Variants in DST observed in about 807,000 individuals in gnomAD.
DST encodes dystonin, also known as bullous pemphigoid antigen.
In DST, 253 loss-of-function variants were observed where a neutral mutation model predicts 875.2. The ratio of observed to expected loss-of-function variants is 0.29; its 90% CI spans 0.26 to 0.32. The LOEUF is 0.32. Among genes scored for constraint, DST ranks in the 10% least tolerant of loss-of-function variants. DST has a pLI of 1.00. For synonymous variants in DST, 3,124 were observed against 3,197.1 expected, an observed-to-expected ratio of 0.98 and a Z score of 0.77; for missense variants, 8,287 against 9,111.6, an observed-to-expected ratio of 0.91 and a Z score of 3.68.
At chr6:56,464,573 G>A (rs530088236) in intron 100 of DST, 112 bp downstream of exon 100, 7 of 773,128 alleles carry the variant, frequency 9.1e-6, no homozygotes, top group Non-Finnish European at 1.3e-5. Flanking sequence ...TATGAGTTAA[G>A]CCATACGCGA....
In DST at chr6:56,529,734, T is replaced by C. The variant is rs1230800445; in HGVS notation, c.17309A>G (p.His5770Arg). 1.2e-6 allele frequency: 2 copies of C among 1,607,330 alleles called. No homozygotes were observed. Among genetic ancestry groups the C allele is most frequent in the East Asian group, 4.5e-5 (2 of 44,820 alleles). Reference sequence around the variant, plus strand: ...GGACTGGCCAATGCTAACAGCCTGGTGTAAATGTTTATTGTGATTGATGAT... The same window carrying C: ...GGACTGGCCAATGCTAACAGCCTGGCGTAAATGTTTATTGTGATTGATGAT... ...DDIINHNKHL[H>R]QAVSIGQSLK... is the part of the protein sequence containing the mutation. Residue 5770 changes from histidine to arginine, a missense_variant, in exon 66 of 104, where the codon CAC becomes CGC. Around this residue, in one of 10 missense-constraint regions of DST, gnomAD observed 777 missense variants for 764.8 expected, o/e 1.02. Transcript: ENST00000680361.
intron 61 of DST, chr6:56,542,404 G>C (rs2097143194): frequency 1.0e-5 from 1 of 96,070 alleles, no homozygotes; most frequent in Non-Finnish European, 1.9e-5. Flanking sequence ...TAAACAGAAA[G>C]CATGGTGTAC....
chr6:56,618,791 T>C lies in DST; in HGVS notation c.4930-4307A>G, dbSNP rs1446128975. The C allele has an allele frequency of 2.1e-5, 34 of 1,614,156 alleles. No homozygotes were observed. The highest frequency in any genetic ancestry group is 2.8e-5 in the Non-Finnish European group (33 of 1,180,020). On this transcript the variant is annotated intron_variant, in intron 36 of 103. Transcript: ENST00000680361. ...CTTCCGAAACTCCTCTGCTGATTGT[T>C]TGAATTTACCAGATTCTTCCTGAAA...
intron 3 of DST, among the ~76,000 whole-genome samples, chr6:56,858,554 T>C (rs1769232781): frequency 6.6e-6 from 1 of 152,208 alleles, no homozygotes; most frequent in African/African-American, 2.4e-5. Flanking sequence ...TAGTATTCCA[T>C]TGTGTATATA....
chr6:56,890,744 A>G (rs1291461264), intron 3 of DST, among the ~76,000 whole-genome samples: 1 of 152,234 alleles, frequency 6.6e-6, no homozygotes, highest in Non-Finnish European at 1.5e-5. Context: ...GGTCTGACTG[A>G]AAGTAGCTAA....
intron 4 of DST, among the ~76,000 whole-genome samples, chr6:56,766,525 CTT>C (rs373724419): frequency 3.2e-4 from 45 of 140,218 alleles, no homozygotes; most frequent in African/African-American, 8.9e-4. Context: ...GCTGCGGTAT[CTT>C]TTTTTTTTTT....
In DST at chr6:56,592,315, T is replaced by C; in HGVS notation, c.12770A>G (p.Tyr4257Cys). The change falls in exon 49 of 104, where the codon TAT (tyrosine) becomes TGT (cysteine). Residue 4257 changes from tyrosine to cysteine, a missense_variant. Tyr to Cys is a radical substitution (Grantham distance 194, BLOSUM62 -2). This residue lies in a region of DST where 1,513 missense variants were observed against 1,677.8 expected (regional missense o/e 0.90). Transcript: ENST00000680361. ...GNNLKDLVDK[Y>C]QHYEDASCGL... Reference sequence around the variant, plus strand: ...ACATGAAGCATCTTCATAGTGTTGATATTTATCCACCAGATCTTTAAGATT... The same window carrying C: ...ACATGAAGCATCTTCATAGTGTTGACATTTATCCACCAGATCTTTAAGATT... 4 of 1,607,764 alleles carry C rather than the reference T, an allele frequency of 2.5e-6. No homozygotes were observed. The highest frequency in any genetic ancestry group is 1.1e-5 in the South Asian group (1 of 89,826).
At chr6:56,929,682 A>C (rs1165654919) in intron 2 of DST, among the ~76,000 whole-genome samples, 1 of 152,206 alleles carries the variant, frequency 6.6e-6, no homozygotes, top group Non-Finnish European at 1.5e-5. Context: ...AAATCAAACA[A>C]ATAAAAACAA....
chr6:56,482,714 T>G lies in DST; in HGVS notation c.21371A>C (p.Lys7124Thr). ...WETVCALSISKQTRLEAALRQ... is the reference protein window; with the variant it reads ...WETVCALSISTQTRLEAALRQ... ...CAGGGCTGCTTCTAACCGTGTTTGC[T>G]TTGATATAGAAAGTGCACACACGGT... The change falls in exon 89 of 104, where the codon AAG becomes ACG. Residue 7124 changes from lysine to threonine, a missense_variant. Physicochemically the swap from Lys to Thr is moderately conservative, Grantham distance 78 (BLOSUM62 -1). Transcript: ENST00000680361. 1 of 1,613,840 alleles carries G rather than the reference T, an allele frequency of 6.2e-7. No individual in the cohort carries two copies. The highest frequency in any genetic ancestry group is 2.2e-5 in the East Asian group (1 of 44,882).
intron 2 of DST, among the ~76,000 whole-genome samples, chr6:56,938,577 A>C (rs558108220): frequency 2.6e-5 from 4 of 152,336 alleles, no homozygotes; most frequent in African/African-American, 9.6e-5. Flanking sequence ...GTAGCAAACC[A>C]AAAATAAATC....
At chr6:56,656,162 G>A (rs28633631) in intron 10 of DST, among the ~76,000 whole-genome samples, 3,767 of 152,210 alleles carry the variant, frequency 0.025, 72 homozygotes, top group Non-Finnish European at 0.041. Flanking sequence ...AATCCTTATC[G>A]AAATCCACAT....
At chr6:56,778,449 T>C (rs748015138) in intron 4 of DST, among the ~76,000 whole-genome samples, 2 of 151,406 alleles carry the variant, frequency 1.3e-5, no homozygotes, top group African/African-American at 4.9e-5. Flanking sequence ...TAGTTACATA[T>C]GTATACATAT....
chr6:56,934,563 TATA>T (rs1562455003), intron 2 of DST, among the ~76,000 whole-genome samples: 2 of 43,854 alleles, frequency 4.6e-5, no homozygotes, highest in African/African-American at 1.9e-4. Context: ...TATTATATTA[TATA>T]TATATATATA....
rs2099784527 is a variant in DST at position 56,829,441 on chromosome 6, A to G, written c.625+21956T>C. ...CTCCTTGATTGAATACCATTAATAA[A>G]TAATACAGTCTTGAAGCCTAGCACA... On this transcript the variant is annotated intron_variant, in intron 4 of 103. Transcript: ENST00000680361. 3.9e-5 allele frequency among the ~76,000 whole-genome samples: 6 copies of G among 152,224 alleles called. No homozygotes were observed. The South Asian group carries it at 1.2e-3, about 32-fold the overall frequency.
rs2097756123 is a variant in DST at position 56,569,994 on chromosome 6, A to G, written c.13740T>C (p.Ser4580=). 1 of 1,590,552 alleles carries G rather than the reference A, an allele frequency of 6.3e-7. No individual in the cohort carries two copies. The highest frequency in any genetic ancestry group is 8.5e-7 in the Non-Finnish European group (1 of 1,173,394). The part of the protein sequence containing the change: ...TIKEKKEAVT[S]CQEQLDAFQV... ...GGAAAGCATCCAACTGTTCTTGACA[A>G]GAAGTTACAGCTTCTTTTCTACATA... The change falls in exon 54 of 104, where the codon TCT becomes TCC. Residue 4580 remains serine (S), a synonymous_variant. Coordinates refer to ENST00000680361, the MANE Select transcript of DST (RefSeq NM_001374736.1).
intron 90 of DST, among the ~76,000 whole-genome samples, chr6:56,480,632 A>G (rs191544005): frequency 6.6e-6 from 1 of 152,362 alleles, no homozygotes; most frequent in East Asian, 1.9e-4. Context: ...AAAAGAATGA[A>G]TAGTGTTACT....
At chr6:56,750,565 G>A (rs1291687659) in intron 4 of DST, among the ~76,000 whole-genome samples, 1 of 152,040 alleles carries the variant, frequency 6.6e-6, no homozygotes, top group African/African-American at 2.4e-5. Context: ...AAGTAACATA[G>A]TCACCTTCTA....
At chr6:56,540,257 A>T (rs2097103175) in intron 61 of DST, 1 of 152,660 alleles carries the variant, frequency 6.6e-6, no homozygotes, top group African/African-American at 2.4e-5. Context: ...GACACTGCAG[A>T]GTTTCATATT....
At chr6:56,603,802 A>C (rs2098468950) in intron 40 of DST, 35 bp downstream of exon 40, 6 of 1,589,554 alleles carry the variant, frequency 3.8e-6, no homozygotes, top group African/African-American at 1.4e-5. Flanking sequence ...TGGTTCATGC[A>C]GCTTTTTCTG....
Sources: gnomAD v4.1 joint callset for allele counts (sites outside exome capture counted in the v4.1 genomes callset) on GRCh38, gnomAD v4.1.1 for gene constraint, gnomAD v4.1.1 regional missense constraint, MANE v1.5 for transcripts, NCBI Gene and HGNC (gene_info 2026-07-23, HGNC 2026-07-21) for gene names.